TIGD5: variants seen among roughly 807,000 people sequenced by gnomAD.
TIGD5 encodes tigger transposable element derived 5, also known as tigger transposable element-derived protein 5.
In TIGD5, 24 loss-of-function variants were observed where a neutral mutation model predicts 28.8. The ratio of observed to expected loss-of-function variants is 0.83; its 90% CI spans 0.60 to 1.17. The LOEUF is 1.17. Ranked by LOEUF, TIGD5 falls within the 50% of genes most tolerant of loss-of-function variation. TIGD5 has a pLI of 0.00. For synonymous variants in TIGD5, 538 were observed against 430.5 expected, an observed-to-expected ratio of 1.25 and a Z score of -3.09; for missense variants, 922 against 911.4, an observed-to-expected ratio of 1.01 and a Z score of -0.15.
chr8:143,599,563 C>T lies in TIGD5; in HGVS notation c.1660C>T (p.Pro554Ser). The T allele has an allele frequency of 2.6e-6, 4 of 1,553,798 alleles. No individual in the cohort carries two copies. The highest frequency in any genetic ancestry group is 2.3e-5 in the East Asian group (1 of 42,688). ...GCREEVGPAL[P>S]PAAPPAPASL... ...CAGGGAGGAGGTGGGCCCAGCCCTG[C>T]CCCCTGCAGCGCCTCCGGCCCCAGC... Residue 554 changes from proline (P) to serine (S), a missense_variant, in exon 1 of 1, where the codon CCC (proline) becomes TCC (serine). By Grantham distance (74) the Pro-to-Ser change is moderately conservative. Around this residue, in one of 3 missense-constraint regions of TIGD5, gnomAD observed 821 missense variants for 815.2 expected, o/e 1.01. Transcript: ENST00000504548.
In TIGD5 at chr8:143,598,728, A is replaced by G. The variant is rs1334767421; in HGVS notation, c.825A>G (p.Val275=). Residue 275 remains valine (V), a synonymous_variant, in exon 1 of 1, where the codon GTA becomes GTG. Transcript: ENST00000504548. This position sits in a 1 kb window ranked among gnomAD's most constrained non-coding sequence, Gnocchi z 6.6. ...GCCGGCGCTGGCGGGGCGACCGCGTAACGGTGCTGCTGGCCGCAAACCTGA... is the reference window on the plus strand; with the variant it reads ...GCCGGCGCTGGCGGGGCGACCGCGTGACGGTGCTGCTGGCCGCAAACCTGA... ...GCGRRWRGDR[V]TVLLAANLTG... The G allele has an allele frequency of 6.5e-7, 1 of 1,535,406 alleles. No homozygotes were observed. Among genetic ancestry groups the G allele is most frequent in the Admixed American group, 2.0e-5 (1 of 50,846 alleles).
rs1388763507 is a variant in TIGD5, at chr8:143,599,421, C to T, written c.1518C>T (p.His506=). Reference sequence around the variant, plus strand: ...CCCAGGCCGAGGAAGCCGCCGAGCACAGCAGGGTGCTCAGCGACCTCACCC... The same window carrying T: ...CCCAGGCCGAGGAAGCCGCCGAGCATAGCAGGGTGCTCAGCGACCTCACCC... The part of the protein sequence containing the change: ...QPAQAEEAAE[H]SRVLSDLTHL... Residue 506 remains histidine (H), a synonymous_variant, in exon 1 of 1, where the codon CAC becomes CAT. Transcript: ENST00000504548. The T allele has an allele frequency of 1.9e-6, 3 of 1,571,288 alleles. No homozygotes were observed. Among genetic ancestry groups the T allele is most frequent in the Non-Finnish European group, 2.6e-6 (3 of 1,159,086 alleles).
chr8:143,600,074 T>A lies in TIGD5; in HGVS notation c.*242T>A. The A allele has an allele frequency of 2.4e-6, 1 of 416,850 alleles. No individual in the cohort carries two copies. The highest frequency in any genetic ancestry group is 4.2e-6 in the Non-Finnish European group (1 of 239,068). The allele number at this position is 416,850 out of a possible 1,614,324, so 25.8% of individuals were successfully genotyped here. Reference sequence around the variant, plus strand: ...CCATGCTCCTCTCAGGGCAGGCACATGTACGGGGCATACAAGGCACAGCGC... The same window carrying A: ...CCATGCTCCTCTCAGGGCAGGCACAAGTACGGGGCATACAAGGCACAGCGC... On this transcript the variant is annotated 3_prime_UTR_variant, in exon 1 of 1. Transcript: ENST00000504548.
Position 143,598,938 on chromosome 8 carries a change from C to G in TIGD5, c.1035C>G (p.Arg345=). ...EFVPGVKRYL[R]RSCLQQKAVL... is the part of the protein sequence containing the mutation. ...TCCCAGGCGTCAAACGCTACCTGCG[C>G]CGAAGCTGCCTGCAGCAGAAGGCCG... Residue 345 remains arginine (R), a synonymous_variant, in exon 1 of 1, where the codon CGC becomes CGG. Transcript: ENST00000504548. This position sits in a 1 kb window ranked among gnomAD's most constrained non-coding sequence, Gnocchi z 6.6. 1.9e-6 allele frequency: 3 copies of G among 1,589,364 alleles called. No individual in the cohort carries two copies. The highest frequency in any genetic ancestry group is 2.6e-6 in the Non-Finnish European group (3 of 1,175,740).
chr8:143,598,610 T>G lies in TIGD5; in HGVS notation c.707T>G (p.Ile236Ser). ...PAEGGYGDEQIYSASVTGLYW... is the reference protein window; with the variant it reads ...PAEGGYGDEQSYSASVTGLYW... Reference sequence around the variant, plus strand: ...GAGGGCGGCTACGGGGACGAGCAGATTTACAGCGCCAGCGTCACCGGCCTC... The same window carrying G: ...GAGGGCGGCTACGGGGACGAGCAGAGTTACAGCGCCAGCGTCACCGGCCTC... The change falls in exon 1 of 1, where the codon ATT becomes AGT. Residue 236 changes from isoleucine (I) to serine (S), a missense_variant. By Grantham distance (142) the Ile-to-Ser change is moderately radical. Around this residue, in one of 3 missense-constraint regions of TIGD5, gnomAD observed 821 missense variants for 815.2 expected, o/e 1.01. Transcript: ENST00000504548. The surrounding 1 kb of genome is among the most constrained non-coding windows in gnomAD (Gnocchi z 6.6). 7.0e-7 allele frequency: 1 copy of G among 1,418,950 alleles called. No homozygotes were observed. Among genetic ancestry groups the G allele is most frequent in the Non-Finnish European group, 9.1e-7 (1 of 1,095,342 alleles). 87.9% of individuals were successfully genotyped at this position (1,418,950 alleles called of 1,614,324 possible). A position where few individuals can be genotyped will look rare whatever the true frequency, so the allele number is the denominator to read the frequency against.
chr8:143,598,154 C>T lies in TIGD5; in HGVS notation c.251C>T (p.Pro84Leu), dbSNP rs745942263. 3 of 1,593,960 alleles carry T rather than the reference C, an allele frequency of 1.9e-6. No homozygotes were observed. In the Admixed American group the frequency reaches 5.1e-5, roughly 27 times the overall value. Reference protein sequence around the residue: ...QASVCRDFGVPGGTLRGWLKD... With the variant: ...QASVCRDFGVLGGTLRGWLKD... ...AGTGTGTGCCGCGACTTCGGCGTGC[C>T]GGGCGGGACGCTGCGCGGCTGGCTC... The change falls in exon 1 of 1, where the codon CCG (proline) becomes CTG (leucine). Residue 84 changes from proline to leucine, a missense_variant. Pro to Leu is a moderately conservative substitution (Grantham distance 98, BLOSUM62 -3). Around this residue, in one of 3 missense-constraint regions of TIGD5, gnomAD observed 821 missense variants for 815.2 expected, o/e 1.01. Coordinates refer to ENST00000504548, the MANE Select transcript of TIGD5 (RefSeq NM_032862.5). The surrounding 1 kb of genome is among the most constrained non-coding windows in gnomAD (Gnocchi z 6.6).
Position 143,598,467 on chromosome 8 carries a change from C to T in TIGD5, c.564C>T (p.Gly188=), listed in dbSNP as rs1460592019. The T allele has an allele frequency of 2.7e-6, 4 of 1,457,972 alleles. No homozygotes were observed. Among genetic ancestry groups the T allele is most frequent in the Non-Finnish European group, 3.6e-6 (4 of 1,108,708 alleles). The allele number at this position is 1,457,972 out of a possible 1,614,324, so 90.3% of individuals were successfully genotyped here. A position where few individuals can be genotyped will look rare whatever the true frequency, so the allele number is the denominator to read the frequency against. ...GCATCTCCAGCCAGCGCTTCTACGG[C>T]GAGGCCGGGCCCCCAGCCCCGAGCC... ...RHGISSQRFY[G]EAGPPAPSPA... Residue 188 remains glycine, a synonymous_variant, in exon 1 of 1, where the codon GGC becomes GGT. Coordinates refer to ENST00000504548, the MANE Select transcript of TIGD5 (RefSeq NM_032862.5). The surrounding 1 kb of genome is among the most constrained non-coding windows in gnomAD (Gnocchi z 6.6).
chr8:143,602,785 CATT>C lies in TIGD5; in HGVS notation c.*2954_*2956del, dbSNP rs1465000259. 1.3e-5 allele frequency: 2 copies of C among 152,514 alleles called. No individual in the cohort carries two copies. Among genetic ancestry groups the C allele is most frequent in the Admixed American group, 6.5e-5 (1 of 15,294 alleles). The allele number at this position is 152,514 out of a possible 1,614,324, so 9.4% of individuals were successfully genotyped here. ...CAGTTAGTGACCCCCGTGTCAGCAT[CATT>C]GTCAGAGTTCCTGGGCTTGTGGGGG... On this transcript the variant is annotated 3_prime_UTR_variant, in exon 1 of 1. Coordinates refer to ENST00000504548, the MANE Select transcript of TIGD5 (RefSeq NM_032862.5).
chr8:143,598,930 T>C lies in TIGD5; in HGVS notation c.1027T>C (p.Tyr343His). 1.3e-6 allele frequency: 2 copies of C among 1,592,458 alleles called. No individual in the cohort carries two copies. The highest frequency in any genetic ancestry group is 1.7e-6 in the Non-Finnish European group (2 of 1,177,144). ...GGAATTTGTCCCAGGCGTCAAACGC[T>C]ACCTGCGCCGAAGCTGCCTGCAGCA... ...FEEFVPGVKR[Y>H]LRRSCLQQKA... Residue 343 changes from tyrosine to histidine, a missense_variant, in exon 1 of 1, where the codon TAC becomes CAC. Transcript: ENST00000504548. This position sits in a 1 kb window ranked among gnomAD's most constrained non-coding sequence, Gnocchi z 6.6.
rs73367293 is a variant in TIGD5 at position 143,602,344 on chromosome 8, C to T, written c.*2512C>T. Reference sequence around the variant, plus strand: ...CTGTGGGCAGTGCCAGCCATGGATCCCTGAGACCCTGGGCTGGAACCTGGG... The same window carrying T: ...CTGTGGGCAGTGCCAGCCATGGATCTCTGAGACCCTGGGCTGGAACCTGGG... On this transcript the variant is annotated 3_prime_UTR_variant, in exon 1 of 1. Transcript: ENST00000504548. The T allele has an allele frequency of 0.2, 29,931 of 152,208 alleles. 3,087 individuals carry two copies. Among genetic ancestry groups the T allele is most frequent in the Middle Eastern group, 0.28 (82 of 294 alleles). The allele number at this position is 152,208 out of a possible 1,614,324, so 9.4% of individuals were successfully genotyped here. A position where few individuals can be genotyped will look rare whatever the true frequency, so the allele number is the denominator to read the frequency against.
Position 143,599,144 on chromosome 8 carries a change from C to A in TIGD5, c.1241C>A (p.Pro414His). Reference sequence around the variant, plus strand: ...AAAGGCAGCAGCCGGGCACATATCCCCGCACCGCTGGAGCAGGGCGTGGTG... The same window carrying A: ...AAAGGCAGCAGCCGGGCACATATCCACGCACCGCTGGAGCAGGGCGTGGTG... ...LSKGSSRAHIPAPLEQGVVAA... is the reference protein window; with the variant it reads ...LSKGSSRAHIHAPLEQGVVAA... The change falls in exon 1 of 1, where the codon CCC (proline) becomes CAC (histidine). Residue 414 changes from proline to histidine, a missense_variant. By Grantham distance (77) the Pro-to-His change is moderately conservative. Around this residue, in one of 3 missense-constraint regions of TIGD5, gnomAD observed 821 missense variants for 815.2 expected, o/e 1.01. Coordinates refer to ENST00000504548, the MANE Select transcript of TIGD5 (RefSeq NM_032862.5). 2 of 1,600,112 alleles carry A rather than the reference C, an allele frequency of 1.2e-6. No homozygotes were observed. The highest frequency in any genetic ancestry group is 2.3e-5 in the East Asian group (1 of 44,296).
rs759384958 is a variant in TIGD5 at position 143,599,041 on chromosome 8, C to T, written c.1138C>T (p.Arg380Trp). Residue 380 changes from arginine (R) to tryptophan (W), a missense_variant, in exon 1 of 1, where the codon CGG (arginine) becomes TGG (tryptophan). Transcript: ENST00000504548. ...PALDSEDAPVRCRPEPLGPPE... is the reference protein window; with the variant it reads ...PALDSEDAPVWCRPEPLGPPE... ...CCTGGACAGCGAGGATGCCCCCGTG[C>T]GGTGCAGGCCGGAGCCCCTCGGTCC... The T allele has an allele frequency of 6.4e-7, 1 of 1,568,658 alleles. No homozygotes were observed. The highest frequency in any genetic ancestry group is 1.8e-5 in the Admixed American group (1 of 55,470).
Position 143,600,695 on chromosome 8 carries a change from C to A in TIGD5, c.*863C>A, listed in dbSNP as rs879856823. ...CCTGGCATTAGCCCCCAGGGCAATA[C>A]GCAGTGCCACCCTCTGTGGGCTCTC... On this transcript the variant is annotated 3_prime_UTR_variant, in exon 1 of 1. Transcript: ENST00000504548. 2 of 152,274 alleles carry A rather than the reference C, an allele frequency of 1.3e-5. No individual in the cohort carries two copies. Among genetic ancestry groups the A allele is most frequent in the Non-Finnish European group, 2.9e-5 (2 of 68,080 alleles). The allele number at this position is 152,274 out of a possible 1,614,324, so 9.4% of individuals were successfully genotyped here.
chr8:143,600,061 CAG>C lies in TIGD5; in HGVS notation c.*230_*231del. ...AGAGAGGCCTGGCCCATGCTCCTCTCAGGGCAGGCACATGTACGGGGCATACA... is the reference window on the plus strand; with the variant it reads ...AGAGAGGCCTGGCCCATGCTCCTCTCGGCAGGCACATGTACGGGGCATACA... On this transcript the variant is annotated 3_prime_UTR_variant, in exon 1 of 1. Coordinates refer to ENST00000504548, the MANE Select transcript of TIGD5 (RefSeq NM_032862.5). The C allele has an allele frequency of 4.6e-6, 2 of 434,942 alleles. No individual in the cohort carries two copies. The highest frequency in any genetic ancestry group is 7.8e-5 in the Admixed American group (2 of 25,576). The allele number at this position is 434,942 out of a possible 1,614,324, so 26.9% of individuals were successfully genotyped here.
At position 143,600,219 on chromosome 8, in the gene TIGD5, C is replaced by G. The variant is rs368624808; in HGVS notation, c.*387C>G. 2 of 240,110 alleles carry G rather than the reference C, an allele frequency of 8.3e-6. No homozygotes were observed. Among genetic ancestry groups the G allele is most frequent in the East Asian group, 1.5e-4 (2 of 13,136 alleles). 14.9% of individuals were successfully genotyped at this position (240,110 alleles called of 1,614,324 possible). Reference sequence around the variant, plus strand: ...TCCTGTCTGCTATCGAGCCCTGGTGCTATGTGGCCCCGGAGCCACAGCACA... The same window carrying G: ...TCCTGTCTGCTATCGAGCCCTGGTGGTATGTGGCCCCGGAGCCACAGCACA... On this transcript the variant is annotated 3_prime_UTR_variant, in exon 1 of 1. Coordinates refer to ENST00000504548, the MANE Select transcript of TIGD5 (RefSeq NM_032862.5).
rs1829258153 is a variant in TIGD5, at chr8:143,601,277, A to T, written c.*1445A>T. 1 of 152,180 alleles carries T rather than the reference A, an allele frequency of 6.6e-6. No homozygotes were observed. Among genetic ancestry groups the T allele is most frequent in the African/African-American group, 2.4e-5 (1 of 41,456 alleles). The allele number at this position is 152,180 out of a possible 1,614,324, so 9.4% of individuals were successfully genotyped here. A position where few individuals can be genotyped will look rare whatever the true frequency, so the allele number is the denominator to read the frequency against. On this transcript the variant is annotated 3_prime_UTR_variant, in exon 1 of 1. Coordinates refer to ENST00000504548, the MANE Select transcript of TIGD5 (RefSeq NM_032862.5). ...TCTGAGAGCTCAGGGAGGCCGTGGA[A>T]ATTTGGGGAAGAAGAAACAGACTCC...
At position 143,597,945 on chromosome 8, in the gene TIGD5, C is replaced by T; in HGVS notation, c.42C>T (p.Arg14=). ...CCCCGGCCGGCCCGGTACCGCGCCG[C>T]GGCCGCCGTCCCCTGCCCGGGCCCC... ...AGPPAGPVPR[R]GRRPLPGPPA... is the part of the protein sequence containing the mutation. The change falls in exon 1 of 1, where the codon CGC becomes CGT. Residue 14 remains arginine, a synonymous_variant. Coordinates refer to ENST00000504548, the MANE Select transcript of TIGD5 (RefSeq NM_032862.5). 4.6e-6 allele frequency: 4 copies of T among 878,884 alleles called. No individual in the cohort carries two copies. The highest frequency in any genetic ancestry group is 5.0e-5 in the South Asian group (1 of 20,040). 54.4% of individuals were successfully genotyped at this position (878,884 alleles called of 1,614,324 possible). A position where few individuals can be genotyped will look rare whatever the true frequency, so the allele number is the denominator to read the frequency against.
At position 143,599,522 on chromosome 8, in the gene TIGD5, G is replaced by A. The variant is rs1023322197; in HGVS notation, c.1619G>A (p.Gly540Asp). 4 of 1,584,782 alleles carry A rather than the reference G, an allele frequency of 2.5e-6. No individual in the cohort carries two copies. Among genetic ancestry groups the A allele is most frequent in the African/African-American group, 1.3e-5 (1 of 74,388 alleles). The change falls in exon 1 of 1, where the codon GGT becomes GAT. Residue 540 changes from glycine to aspartate, a missense_variant. This residue lies in a region of TIGD5 where 821 missense variants were observed against 815.2 expected (regional missense o/e 1.01). Transcript: ENST00000504548. ...AEWLHLDDDG[G>D]PPEGCREEVG... ...TGGCTGCACCTGGACGATGATGGGG[G>A]TCCGCCCGAGGGCTGCAGGGAGGAG...
Position 143,599,903 on chromosome 8 carries a change from T to G in TIGD5, c.*71T>G. On this transcript the variant is annotated 3_prime_UTR_variant, in exon 1 of 1. Transcript: ENST00000504548. The stretch of plus-strand genomic sequence containing the variant: ...GGACATACACACAGTCTCCCATCTC[T>G]CCTCCCCTCCCCCTGGGGTGGCCCA... 7.2e-7 allele frequency: 1 copy of G among 1,391,908 alleles called. No individual in the cohort carries two copies. Among genetic ancestry groups the G allele is most frequent in the Non-Finnish European group, 9.3e-7 (1 of 1,075,070 alleles). The allele number at this position is 1,391,908 out of a possible 1,614,324, so 86.2% of individuals were successfully genotyped here.
Sources: gnomAD v4.1 joint callset for allele counts on GRCh38, gnomAD v4.1.1 for gene constraint, gnomAD v4.1.1 regional missense constraint, Gnocchi (gnomAD v3.1) non-coding constraint, MANE v1.5 for transcripts, NCBI Gene and HGNC (gene_info 2026-07-23, HGNC 2026-07-21) for gene names.